The following ASXL2 variants were observed in gnomAD, a reference collection of about 807,000 sequenced individuals.
ASXL2 encodes putative Polycomb group protein ASXL2.
Under a neutral mutation model 122.0 loss-of-function variants are expected in ASXL2, and 23 were observed. The observed-to-expected ratio is 0.19, with a 90% CI of 0.14 to 0.27. The LOEUF is 0.27. Ranked by LOEUF, ASXL2 falls within the 10% of genes least tolerant of loss-of-function variation. ASXL2 has a pLI of 1.00. For synonymous variants in ASXL2, 650 were observed against 637.0 expected (o/e 1.02, Z -0.31); for missense variants, 1,518 against 1,713.8 (o/e 0.89, Z 2.02).
chr2:25,771,085 A>C (rs1194997374), intron 6 of ASXL2, among the ~76,000 whole-genome samples: 1 of 151,818 alleles, frequency 6.6e-6, no homozygotes, highest in Non-Finnish European at 1.5e-5. Context: ...AAAATACAAA[A>C]ATTAGCTGGG....
At chr2:25,852,049 T>A (rs1574448672) in intron 1 of ASXL2, among the ~76,000 whole-genome samples, 2 of 152,228 alleles carry the variant, frequency 1.3e-5, no homozygotes, top group Non-Finnish European at 2.9e-5. Flanking sequence ...TACATTATCT[T>A]CCACAAGCGG....
At chr2:25,844,554 T>C (rs1223062872) in intron 2 of ASXL2, among the ~76,000 whole-genome samples, 3 of 149,230 alleles carry the variant, frequency 2.0e-5, no homozygotes, top group Non-Finnish European at 4.4e-5. Context: ...CCAGCCTGGG[T>C]GACAAAGTCA....
intron 6 of ASXL2, among the ~76,000 whole-genome samples, chr2:25,770,561 C>T (rs537569967): frequency 1.2e-4 from 19 of 152,088 alleles, no homozygotes; most frequent in South Asian, 2.1e-4. Context: ...TCAAGACCAG[C>T]CTGACCAACG....
chr2:25,744,053 G>C lies in ASXL2; in HGVS notation c.2284C>G (p.Gln762Glu). 1.2e-6 allele frequency: 2 copies of C among 1,614,038 alleles called. No homozygotes were observed. The highest frequency in any genetic ancestry group is 1.7e-6 in the Non-Finnish European group (2 of 1,179,896). The part of the protein sequence containing the change: ...PQSETKTTPS[Q>E]AQPHSVSGAQ... Reference sequence around the variant, plus strand: ...CCAGAGACACTATGAGGCTGTGCCTGGCTTGGGGTGGTCTTGGTCTCAGAC... The same window carrying C: ...CCAGAGACACTATGAGGCTGTGCCTCGCTTGGGGTGGTCTTGGTCTCAGAC... Residue 762 changes from glutamine to glutamate, a missense_variant, in exon 13 of 13, where the codon CAG (glutamine) becomes GAG (glutamate). Physicochemically the swap from Gln to Glu is conservative, Grantham distance 29 (BLOSUM62 2). Transcript: ENST00000435504. This position sits in a 1 kb window ranked among gnomAD's most constrained non-coding sequence, Gnocchi z 4.7.
intron 6 of ASXL2, among the ~76,000 whole-genome samples, chr2:25,770,802 A>C (rs1373525711): frequency 6.6e-6 from 1 of 152,220 alleles, no homozygotes; most frequent in Non-Finnish European, 1.5e-5. Context: ...AGAAAAATCT[A>C]TGTGATCATC....
chr2:25,745,280 T>C (rs886605473), intron 12 of ASXL2, among the ~76,000 whole-genome samples: 4 of 150,718 alleles, frequency 2.7e-5, no homozygotes, highest in Admixed American at 2.6e-4. Flanking sequence ...TGGTGTGATC[T>C]CGGCTCACTG....
At chr2:25,839,848 C>T (rs1299208088) in intron 2 of ASXL2, among the ~76,000 whole-genome samples, 1 of 150,700 alleles carries the variant, frequency 6.6e-6, no homozygotes, top group Admixed American at 6.6e-5. Flanking sequence ...ATTCATAGGA[C>T]ATATATTCAT....
intron 1 of ASXL2, among the ~76,000 whole-genome samples, chr2:25,847,123 A>G (rs1434103903): frequency 6.6e-6 from 1 of 152,240 alleles, no homozygotes; most frequent in Non-Finnish European, 1.5e-5. Flanking sequence ...CAAACATAAT[A>G]CAGCAAGATA....
Position 25,744,083 on chromosome 2 carries a change from G to A in ASXL2, c.2254C>T (p.Pro752Ser), listed in dbSNP as rs1346150697. 3 of 1,613,976 alleles carry A rather than the reference G, an allele frequency of 1.9e-6. No homozygotes were observed. The highest frequency in any genetic ancestry group is 2.2e-5 in the South Asian group (2 of 91,090). The change falls in exon 13 of 13, where the codon CCC becomes TCC. Residue 752 changes from proline to serine, a missense_variant. This residue lies in a region of ASXL2 where 831 missense variants were observed against 833.1 expected (regional missense o/e 1.00). Transcript: ENST00000435504. This position sits in a 1 kb window ranked among gnomAD's most constrained non-coding sequence, Gnocchi z 4.7. ...ELLPCGPETQ[P>S]QSETKTTPSQ... is the part of the protein sequence containing the mutation. Reference sequence around the variant, plus strand: ...GGGGTGGTCTTGGTCTCAGACTGGGGCTGAGTCTCTGGACCACAGGGTAAA... The same window carrying A: ...GGGGTGGTCTTGGTCTCAGACTGGGACTGAGTCTCTGGACCACAGGGTAAA...
chr2:25,806,036 G>T (rs1452584676), intron 4 of ASXL2, among the ~76,000 whole-genome samples, 193 bp downstream of exon 4: 1 of 152,138 alleles, frequency 6.6e-6, no homozygotes, highest in Non-Finnish European at 1.5e-5. Context: ...AAAAAATAAA[G>T]TTACTTCTCT....
intron 9 of ASXL2, among the ~76,000 whole-genome samples, chr2:25,757,952 A>C (rs2088169238): frequency 6.7e-6 from 1 of 149,682 alleles, no homozygotes; most frequent in African/African-American, 2.5e-5. Context: ...GATGAGAGCA[A>C]TCTCCAAGAG....
At chr2:25,873,074 TTA>T (rs534131743) in intron 1 of ASXL2, among the ~76,000 whole-genome samples, 43 of 152,174 alleles carry the variant, frequency 2.8e-4, no homozygotes, top group Non-Finnish European at 5.9e-4. Context: ...GTGTAGTCTT[TTA>T]TCTCTCATCA....
chr2:25,796,303 A>T (rs1356641445), intron 5 of ASXL2, among the ~76,000 whole-genome samples: 5 of 152,242 alleles, frequency 3.3e-5, no homozygotes, highest in Non-Finnish European at 7.3e-5. Context: ...ATCATCACTC[A>T]AATCTAAAAG....
At position 25,848,641 on chromosome 2, in the gene ASXL2, T is replaced by C. The variant is rs190606910; in HGVS notation, c.58-3078A>G. ...TCCATCTCAAAAATAAACAAACAAA[T>C]AAATAAATAAATAGAAGTGGAGACC... On this transcript the variant is annotated intron_variant, in intron 1 of 12. Transcript: ENST00000435504. 9.6e-4 allele frequency among the ~76,000 whole-genome samples: 146 copies of C among 151,516 alleles called. 1 individual carries two copies. Among genetic ancestry groups the C allele is most frequent in the African/African-American group, 3.4e-3 (141 of 41,272 alleles).
intron 8 of ASXL2, among the ~76,000 whole-genome samples, chr2:25,766,241 T>A (rs1486646775): frequency 1.3e-5 from 2 of 151,358 alleles, no homozygotes; most frequent in Non-Finnish European, 2.9e-5. Context: ...TCGAGATCTT[T>A]AAAAAAAAAC....
In ASXL2 at chr2:25,740,112, GAC is replaced by G. The variant is rs2087802621; in HGVS notation, c.*1915_*1916del. The G allele has an allele frequency of 4.4e-6, 1 of 225,840 alleles. No individual in the cohort carries two copies. The highest frequency in any genetic ancestry group is 5.7e-5 in the Admixed American group (1 of 17,522). 14.0% of individuals were successfully genotyped at this position (225,840 alleles called of 1,614,324 possible). ...TGTGCTGGAAGAAAGGAGAAAGATGGACAGACATATCGTTCTGGCTGAAGCTG... is the reference window on the plus strand; with the variant it reads ...TGTGCTGGAAGAAAGGAGAAAGATGGAGACATATCGTTCTGGCTGAAGCTG... On this transcript the variant is annotated 3_prime_UTR_variant, in exon 13 of 13. Coordinates refer to ENST00000435504, the MANE Select transcript of ASXL2 (RefSeq NM_018263.6).
At chr2:25,842,430 C>A (rs1231229203) in intron 2 of ASXL2, among the ~76,000 whole-genome samples, 1 of 152,074 alleles carries the variant, frequency 6.6e-6, no homozygotes, top group Non-Finnish European at 1.5e-5. Flanking sequence ...TGAAAAAAAA[C>A]TCTTCCATTT....
intron 8 of ASXL2, among the ~76,000 whole-genome samples, chr2:25,766,898 T>C (rs138988290): frequency 6.6e-5 from 10 of 152,254 alleles, no homozygotes; most frequent in African/African-American, 1.9e-4. Context: ...TCAAACAAAA[T>C]TCCCCCCTTC....
chr2:25,875,520 CTTA>C (rs773835768), intron 1 of ASXL2, among the ~76,000 whole-genome samples: 3 of 151,906 alleles, frequency 2.0e-5, no homozygotes, highest in Admixed American at 1.3e-4. Context: ...AATTATGAAT[CTTA>C]TTATTTTGCT....
Sources: gnomAD v4.1 joint callset for allele counts (sites outside exome capture counted in the v4.1 genomes callset) on GRCh38, gnomAD v4.1.1 for gene constraint, gnomAD v4.1.1 regional missense constraint, Gnocchi (gnomAD v3.1) non-coding constraint, MANE v1.5 for transcripts, NCBI Gene and HGNC (gene_info 2026-07-23, HGNC 2026-07-21) for gene names.